Variants in GPR89B observed in about 807,000 individuals in gnomAD.
The protein encoded by GPR89B is G protein-coupled receptor 89B.
Under a neutral mutation model 52.4 loss-of-function variants are expected in GPR89B, and 25 were observed. That is an observed-to-expected ratio of 0.48 (90% confidence interval 0.35 to 0.67). GPR89B has a LOEUF of 0.67. GPR89B is among the 30% of genes least tolerant of loss of function. The pLI is 0.01. For synonymous variants in GPR89B, 52 were observed against 151.2 expected (o/e 0.34, Z 4.81); for missense variants, 146 against 450.2 (o/e 0.32, Z 6.11).
chr1:147,994,298 T>A, downstream of GPR89B: 1 of 1,526,408 alleles, frequency 6.6e-7, no homozygotes, highest in Non-Finnish European at 9.0e-7. Context: ...TTACTTGTTT[T>A]CATCACATCT....
chr1:147,961,442 A>G (rs1656554463), intron 7 of GPR89B, among the ~76,000 whole-genome samples: 1 of 152,296 alleles, frequency 6.6e-6, no homozygotes, highest in African/African-American at 2.4e-5. Context: ...AATGATACAT[A>G]CAGGGCAACA....
At chr1:147,928,754 C>G in intron 1 of GPR89B, 176 bp downstream of exon 1, 1 of 598,572 alleles carries the variant, frequency 1.7e-6, no homozygotes, top group Non-Finnish European at 2.1e-6. Flanking sequence ...CCCTCAGCCC[C>G]GGCTGTCAGG....
chr1:148,004,313 C>T, the GPR89B span, among the ~76,000 whole-genome samples: 1 of 151,604 alleles, frequency 6.6e-6, no homozygotes, highest in Non-Finnish European at 1.5e-5. Context: ...CCCGCCACCG[C>T]ACCTGGCTAA....
intron 10 of GPR89B, among the ~76,000 whole-genome samples, chr1:147,972,585 C>T (rs1335269064): frequency 6.6e-6 from 1 of 151,832 alleles, no homozygotes; most frequent in Non-Finnish European, 1.5e-5. Context: ...TGATATTGAG[C>T]ATCTTTTCAT....
intron 1 of GPR89B, among the ~76,000 whole-genome samples, chr1:147,929,544 T>TTG (rs1203179861): frequency 6.6e-5 from 10 of 152,148 alleles, no homozygotes; most frequent in Non-Finnish European, 1.3e-4. Flanking sequence ...AATAAAGATT[T>TTG]TGTGTGTGTG....
At chr1:147,979,308 G>A (rs1329939065) in intron 10 of GPR89B, among the ~76,000 whole-genome samples, 4 of 151,990 alleles carry the variant, frequency 2.6e-5, no homozygotes, top group Non-Finnish European at 4.4e-5. Flanking sequence ...CCCCTCCACC[G>A]ACCTTGCCAG....
At chr1:147,962,034 C>A (rs1469646010) in intron 7 of GPR89B, among the ~76,000 whole-genome samples, 1 of 151,858 alleles carries the variant, frequency 6.6e-6, no homozygotes, top group African/African-American at 2.4e-5. Context: ...GAGAGGAATT[C>A]CTCTACCTGA....
chr1:147,985,501 G>A (rs1658599808), intron 10 of GPR89B, among the ~76,000 whole-genome samples: 1 of 151,904 alleles, frequency 6.6e-6, no homozygotes, highest in African/African-American at 2.4e-5. Context: ...CCTGCCTTTG[G>A]AAATAAAGTT....
chr1:147,982,092 C>T (rs1658298828), intron 10 of GPR89B, among the ~76,000 whole-genome samples: 1 of 151,792 alleles, frequency 6.6e-6, no homozygotes, highest in Admixed American at 6.6e-5. Flanking sequence ...TGGAGTCTCG[C>T]TCTGTCGCCC....
At chr1:148,024,695 C>G in the GPR89B span, 2 of 144,538 alleles carry the variant, frequency 1.4e-5, no homozygotes, top group Admixed American at 1.4e-4. Context: ...AGAGACAGGG[C>G]CATGGAAGAC....
At chr1:147,938,926 A>G (rs1209125324) in intron 3 of GPR89B, 109 bp downstream of exon 3, 6 of 1,502,668 alleles carry the variant, frequency 4.0e-6, no homozygotes, top group Non-Finnish European at 5.4e-6. Context: ...CTGTGTTAAT[A>G]GTTCAGTTTC....
At chr1:147,940,753 C>G (rs1553248798) in intron 3 of GPR89B, among the ~76,000 whole-genome samples, 2 of 152,060 alleles carry the variant, frequency 1.3e-5, no homozygotes, top group Non-Finnish European at 2.9e-5. Flanking sequence ...CCATAGTTTG[C>G]CAGCTACTCA....
rs1380764984 is a variant in GPR89B, at chr1:147,980,838, A to AG, written c.910-5361_910-5360insG. On this transcript the variant is annotated intron_variant, in intron 10 of 13. Coordinates refer to ENST00000314163, the MANE Select transcript of GPR89B (RefSeq NM_016334.5). ...CGTCTCAAAAAAAAAAAAAAAAAAA[A>AG]AAAAAAAAGAAATTCCATACTCATT... Among the ~76,000 whole-genome samples the AG allele has an allele frequency of 7.3e-5, 11 of 149,994 alleles. No individual in the cohort carries two copies. In the East Asian group the frequency reaches 1.9e-3, roughly 27 times the overall value.
intron 10 of GPR89B, among the ~76,000 whole-genome samples, chr1:147,970,231 C>A (rs1382325584): frequency 6.6e-6 from 1 of 151,976 alleles, no homozygotes. Context: ...CATGGTGGCT[C>A]ATGCCTATAA....
At chr1:147,933,604 T>C (rs1354922593) in intron 1 of GPR89B, among the ~76,000 whole-genome samples, 50 of 151,926 alleles carry the variant, frequency 3.3e-4, no homozygotes, top group African/African-American at 1.1e-3. Context: ...CCTAAACCTC[T>C]TCTTTCTCCA....
chr1:147,997,527 CA>C (rs1374987779), downstream of GPR89B, among the ~76,000 whole-genome samples: 52 of 152,164 alleles, frequency 3.4e-4, no homozygotes, highest in East Asian at 4.1e-3. Context: ...GACTGCCAAT[CA>C]GGGGTGATGC....
At chr1:148,021,816 G>A in the GPR89B span, 1 of 148,724 alleles carries the variant, frequency 6.7e-6, no homozygotes, top group Non-Finnish European at 1.5e-5. Context: ...GGAGGCCATG[G>A]CAATCATTAG....
intron 7 of GPR89B, among the ~76,000 whole-genome samples, chr1:147,958,684 C>T (rs1656308408): frequency 6.6e-6 from 1 of 151,030 alleles, no homozygotes; most frequent in Admixed American, 6.6e-5. Flanking sequence ...AGTGTGGATA[C>T]ATACTTTTAA....
At chr1:147,936,711 CT>C (rs1558033040) in intron 2 of GPR89B, 25 bp downstream of exon 2, 1 of 1,588,996 alleles carries the variant, frequency 6.3e-7, no homozygotes, top group East Asian at 2.2e-5. Context: ...TTTTGTCATA[CT>C]TACACTATAT....
Sources: allele counts gnomAD v4.1 joint callset (sites outside exome capture counted in the v4.1 genomes callset), GRCh38; gene constraint gnomAD v4.1.1; transcripts MANE v1.5; gene names NCBI Gene and HGNC (gene_info 2026-07-23, HGNC 2026-07-21).